Variants in IL1RL1 observed in about 807,000 individuals in gnomAD.
IL1RL1 encodes the protein interleukin 1 receptor like 1, also known as interleukin-1 receptor-like 1.
Under a neutral mutation model 50.9 loss-of-function variants are expected in IL1RL1, and 32 were observed. That is an observed-to-expected ratio of 0.63 (90% CI 0.47 to 0.84). The LOEUF is 0.84. IL1RL1 is among the 40% of genes least tolerant of loss of function. The probability of loss-of-function intolerance (pLI) is 0.00; values close to 1 mark genes in which losing one functional copy is unlikely to be tolerated. For synonymous variants in IL1RL1, 275 were observed against 236.0 expected, an observed-to-expected ratio of 1.17 and a Z score of -1.51; for missense variants, 773 against 662.9, an observed-to-expected ratio of 1.17 and a Z score of -1.82.
intron 1 of IL1RL1, among the ~76,000 whole-genome samples, chr2:102,314,269 C>A (rs1364615540): frequency 6.6e-6 from 1 of 152,152 alleles, no homozygotes; most frequent in Non-Finnish European, 1.5e-5. Flanking sequence ...GGGATGAAAC[C>A]AAGTCCTTGC....
At chr2:102,320,789 C>T (rs760559788) in intron 1 of IL1RL1, among the ~76,000 whole-genome samples, 8 of 152,166 alleles carry the variant, frequency 5.3e-5, no homozygotes, top group East Asian at 1.9e-4. Context: ...TGCACTTCCC[C>T]GCCCTGGTCA....
chr2:102,332,043 G>T (rs1175778026), intron 1 of IL1RL1, among the ~76,000 whole-genome samples: 2 of 152,110 alleles, frequency 1.3e-5, no homozygotes, highest in Non-Finnish European at 2.9e-5. Context: ...ACTCCATCCT[G>T]GGTGAAAGAG....
intron 5 of IL1RL1, 134 bp from the exon 6 acceptor site, chr2:102,342,077 GTGTGTGTGTGTT>G (rs1677589072): frequency 4.0e-6 from 2 of 499,020 alleles, no homozygotes; most frequent in Non-Finnish European, 7.3e-6. Flanking sequence ...GTGTGTGTGT[GTGTGTGTGTGTT>G]TGTCATTATG....
At chr2:102,336,520 G>A (rs1460364314) in intron 1 of IL1RL1, among the ~76,000 whole-genome samples, 1 of 152,130 alleles carries the variant, frequency 6.6e-6, no homozygotes, top group African/African-American at 2.4e-5. Context: ...ACTCATGATA[G>A]GGTCATCGCA....
intron 1 of IL1RL1, among the ~76,000 whole-genome samples, chr2:102,319,854 A>G (rs1047990075): frequency 1.3e-5 from 2 of 152,000 alleles, no homozygotes; most frequent in African/African-American, 4.8e-5. Flanking sequence ...ATGGCAGACT[A>G]ATTTTTAAAT....
At chr2:102,324,607 G>T (rs1024824032) in intron 1 of IL1RL1, among the ~76,000 whole-genome samples, 1 of 152,198 alleles carries the variant, frequency 6.6e-6, no homozygotes, top group African/African-American at 2.4e-5. Context: ...CCTAGTCAAA[G>T]AAAGGGGTGA....
intron 10 of IL1RL1, among the ~76,000 whole-genome samples, chr2:102,350,863 A>G (rs1021029929): frequency 6.6e-6 from 1 of 152,146 alleles, no homozygotes; most frequent in Non-Finnish European, 1.5e-5. Context: ...GGATTGTTTT[A>G]TTCACGGTTG....
chr2:102,323,994 C>T (rs980650068), intron 1 of IL1RL1, among the ~76,000 whole-genome samples: 2 of 147,966 alleles, frequency 1.4e-5, no homozygotes, highest in African/African-American at 5.0e-5. Context: ...CAGTATGTTT[C>T]TAAGATTCAT....
chr2:102,351,986 T>A lies in IL1RL1; in HGVS notation c.*65T>A. 1 of 1,471,800 alleles carries A rather than the reference T, an allele frequency of 6.8e-7. No individual in the cohort carries two copies. The allele number at this position is 1,471,800 out of a possible 1,614,324, so 91.2% of individuals were successfully genotyped here. A position where few individuals can be genotyped will look rare whatever the true frequency, so the allele number is the denominator to read the frequency against. On this transcript the variant is annotated 3_prime_UTR_variant, in exon 11 of 11. Transcript: ENST00000233954. The stretch of plus-strand genomic sequence containing the variant: ...TTCCTGACTTCTCCTAGCTGGCTTA[T>A]GCCCCTGCACTGAAGTGTGAGGAGC...
chr2:102,313,592 C>T (rs1573124187), intron 1 of IL1RL1, among the ~76,000 whole-genome samples: 1 of 152,268 alleles, frequency 6.6e-6, no homozygotes. Flanking sequence ...AAATATTTGT[C>T]CTATAATCAC....
At position 102,346,016 on chromosome 2, in the gene IL1RL1, A is replaced by G. The variant is rs141993490; in HGVS notation, c.971-1929A>G. The stretch of plus-strand genomic sequence containing the variant: ...ATTTTGCTCCTTCTAGCTTATTTGT[A>G]TTTCACCTGTTTTTCTTTAAATCAA... On this transcript the variant is annotated intron_variant, in intron 8 of 10. Coordinates refer to ENST00000233954, the MANE Select transcript of IL1RL1 (RefSeq NM_016232.5). 2.0e-4 allele frequency: 200 copies of G among 983,652 alleles called. 1 individual carries two copies. The African/African-American group carries it at 3.3e-3, about 16-fold the overall frequency. The allele number at this position is 983,652 out of a possible 1,614,324, so 60.9% of individuals were successfully genotyped here.
intron 6 of IL1RL1, 119 bp from the exon 7 acceptor site, chr2:102,342,917 G>C: frequency 1.1e-6 from 1 of 873,282 alleles, no homozygotes; most frequent in Non-Finnish European, 1.8e-6. Flanking sequence ...AGATGAGGGA[G>C]GGAGGTCCTG....
chr2:102,338,785 T>C (rs1341505373), intron 2 of IL1RL1, 52 bp from the exon 3 acceptor site: 1 of 1,356,458 alleles, frequency 7.4e-7, no homozygotes, highest in Non-Finnish European at 1.0e-6. Flanking sequence ...ATAAGAATTA[T>C]GATCTTTTCA....
chr2:102,325,585 A>G (rs1426952531), intron 1 of IL1RL1, among the ~76,000 whole-genome samples: 1 of 152,218 alleles, frequency 6.6e-6, no homozygotes, highest in Non-Finnish European at 1.5e-5. Context: ...ACCCATGGCA[A>G]AGAAGTTAAA....
Position 102,345,594 on chromosome 2 carries a change from G to A in IL1RL1, c.970+2179G>A, listed in dbSNP as rs957281976. The A allele has an allele frequency of 2.5e-5, 25 of 985,438 alleles. No homozygotes were observed. In the African/African-American group the frequency reaches 3.1e-4, roughly 12 times the overall value. 61.0% of individuals were successfully genotyped at this position (985,438 alleles called of 1,614,324 possible). A position where few individuals can be genotyped will look rare whatever the true frequency, so the allele number is the denominator to read the frequency against. On this transcript the variant is annotated intron_variant, in intron 8 of 10. Coordinates refer to ENST00000233954, the MANE Select transcript of IL1RL1 (RefSeq NM_016232.5). ...GAAAGGATAGGGGTGTGGGGACAGC[G>A]GGCCCCCAATATGGTGTAATCGTGG...
chr2:102,324,519 CAG>C (rs1248212182), intron 1 of IL1RL1, among the ~76,000 whole-genome samples: 1 of 152,176 alleles, frequency 6.6e-6, no homozygotes, highest in African/African-American at 2.4e-5. Flanking sequence ...ACAGTGGGTG[CAG>C]AGCACTGAGC....
intron 1 of IL1RL1, among the ~76,000 whole-genome samples, chr2:102,321,240 T>A (rs1319620347): frequency 6.6e-6 from 1 of 152,230 alleles, no homozygotes; most frequent in Non-Finnish European, 1.5e-5. Context: ...AGATCTTTTG[T>A]AACTTTTTTT....
rs1559591841 is a variant in IL1RL1, at chr2:102,311,859, T to TTATATATTATATATTATATAATATAA, written c.-150+242_-150+243insTTATATATTATATAATATAATATATA. ...TATATAATTGTAATATATAATATAA[T>TTATATATTATATATTATATAATATAA]TATATAATATATATTATATAATATA... On this transcript the variant is annotated intron_variant, in intron 1 of 10. Transcript: ENST00000233954. Among the ~76,000 whole-genome samples the TTATATATTATATATTATATAATATAA allele has an allele frequency of 1.8e-4, 8 of 45,536 alleles. 1 individual carries two copies. The highest frequency in any genetic ancestry group is 3.9e-4 in the African/African-American group (5 of 12,958). The allele number at this position is 45,536 out of a possible 152,430, so 29.9% of individuals were successfully genotyped here. A position where few individuals can be genotyped will look rare whatever the true frequency, so the allele number is the denominator to read the frequency against.
rs77721837 is a variant in IL1RL1, at chr2:102,324,295, T to C, written c.-150+12672T>C. Among the ~76,000 whole-genome samples, 525 of 152,338 alleles carry C rather than the reference T, an allele frequency of 3.4e-3. 3 individuals are homozygous for C. The highest frequency in any genetic ancestry group is 6.1e-3 in the Non-Finnish European group (417 of 68,024). The stretch of plus-strand genomic sequence containing the variant: ...CTCCATCAATGATGCATGAGAGTTC[T>C]AGGTGTGCCACATCCTTGCCAAAAT... On this transcript the variant is annotated intron_variant, in intron 1 of 10. Transcript: ENST00000233954.
Sources: allele counts gnomAD v4.1 joint callset (sites outside exome capture counted in the v4.1 genomes callset), GRCh38; gene constraint gnomAD v4.1.1; transcripts MANE v1.5; gene names NCBI Gene and HGNC (gene_info 2026-07-23, HGNC 2026-07-21).